GALNT13: variants seen among roughly 807,000 people sequenced by gnomAD.
GALNT13 encodes UDP-GalNAc:polypeptide N-acetylgalactosaminyltransferase 13.
Under a neutral mutation model 64.2 loss-of-function variants are expected in GALNT13, and 28 were observed. That is an observed-to-expected ratio of 0.44 (90% CI 0.32 to 0.60). The LOEUF (loss-of-function observed/expected upper bound fraction) is 0.60, where lower values mean the gene tolerates loss of function less well. Ranked by LOEUF, GALNT13 falls within the 20% of genes least tolerant of loss-of-function variation. The probability of loss-of-function intolerance (pLI) is 0.05; values close to 1 mark genes in which losing one functional copy is unlikely to be tolerated. For synonymous variants in GALNT13, 214 were observed against 224.6 expected (o/e 0.95, Z 0.42); for missense variants, 577 against 669.8 (o/e 0.86, Z 1.53).
intron 3 of GALNT13, among the ~76,000 whole-genome samples, chr2:154,044,488 A>T (rs986625128): frequency 1.1e-4 from 17 of 152,182 alleles, no homozygotes; most frequent in Non-Finnish European, 2.4e-4. Context: ...ACCACTACTA[A>T]AGGAGCTAGG....
the GALNT13 span, among the ~76,000 whole-genome samples, chr2:153,328,849 G>A: frequency 6.6e-6 from 1 of 151,846 alleles, no homozygotes; most frequent in Non-Finnish European, 1.5e-5. Context: ...GTGCCACTGG[G>A]GTACAGAAAA....
At chr2:153,419,457 G>A in the GALNT13 span, among the ~76,000 whole-genome samples, 4 of 152,104 alleles carry the variant, frequency 2.6e-5, no homozygotes, top group East Asian at 1.9e-4. Context: ...TATATCCTCC[G>A]TGATTCCACT....
chr2:153,502,411 C>T, the GALNT13 span, among the ~76,000 whole-genome samples: 1 of 152,200 alleles, frequency 6.6e-6, no homozygotes, highest in Non-Finnish European at 1.5e-5. Flanking sequence ...CTGCCAATGC[C>T]ATTGTTTTGT....
chr2:154,172,120 G>T (rs1685388161), intron 4 of GALNT13, among the ~76,000 whole-genome samples: 1 of 151,642 alleles, frequency 6.6e-6, no homozygotes, highest in South Asian at 2.1e-4. Context: ...ATTTTTGAGG[G>T]TGAATTTCAA....
the GALNT13 span, among the ~76,000 whole-genome samples, chr2:153,146,014 T>C: frequency 6.6e-6 from 1 of 151,878 alleles, no homozygotes; most frequent in Non-Finnish European, 1.5e-5. Flanking sequence ...ACTGGGTTTC[T>C]GAGATGAAGG....
At chr2:153,911,054 G>A (rs1018923000) in intron 2 of GALNT13, among the ~76,000 whole-genome samples, 5 of 152,090 alleles carry the variant, frequency 3.3e-5, no homozygotes, top group Admixed American at 2.6e-4. Flanking sequence ...CATGGAAGTC[G>A]AAATTTCCTT....
chr2:153,611,302 C>A, the GALNT13 span, among the ~76,000 whole-genome samples: 1 of 152,166 alleles, frequency 6.6e-6, no homozygotes, highest in Non-Finnish European at 1.5e-5. Flanking sequence ...ATACCTAATA[C>A]ATGATAGACT....
At chr2:154,397,082 A>G (rs779385909) in intron 10 of GALNT13, among the ~76,000 whole-genome samples, 1 of 151,948 alleles carries the variant, frequency 6.6e-6, no homozygotes, top group Non-Finnish European at 1.5e-5. Flanking sequence ...CATATTGATA[A>G]TTTTCCACTG....
At chr2:153,922,396 A>C (rs1180651835) in intron 2 of GALNT13, among the ~76,000 whole-genome samples, 1 of 152,204 alleles carries the variant, frequency 6.6e-6, no homozygotes, top group Non-Finnish European at 1.5e-5. Context: ...AAACAGTGGA[A>C]GATTTTCCTT....
intron 3 of GALNT13, among the ~76,000 whole-genome samples, chr2:154,121,771 C>A (rs1681956631): frequency 6.6e-6 from 1 of 151,262 alleles, no homozygotes; most frequent in Non-Finnish European, 1.5e-5. Context: ...TTGTGATTTT[C>A]TTCATAGACA....
the GALNT13 span, among the ~76,000 whole-genome samples, chr2:153,566,596 C>T: frequency 2.0e-5 from 3 of 152,114 alleles, no homozygotes; most frequent in South Asian, 2.1e-4. Flanking sequence ...CCTTGTGATC[C>T]GCCTGCCTTG....
chr2:153,461,553 T>C, the GALNT13 span, among the ~76,000 whole-genome samples: 1 of 152,056 alleles, frequency 6.6e-6, no homozygotes, highest in African/African-American at 2.4e-5. Context: ...TTGTATGTCA[T>C]GTCTAGGCAG....
chr2:153,473,796 A>C, the GALNT13 span, among the ~76,000 whole-genome samples: 1 of 152,352 alleles, frequency 6.6e-6, no homozygotes, highest in South Asian at 2.1e-4. Context: ...GTGCTGTTGC[A>C]GAAACTCAAA....
At chr2:154,165,007 G>C (rs1389391754) in intron 4 of GALNT13, among the ~76,000 whole-genome samples, 3 of 152,020 alleles carry the variant, frequency 2.0e-5, no homozygotes, top group African/African-American at 7.2e-5. Context: ...GAAACACACT[G>C]TTTGAAAAAC....
chr2:153,514,611 G>C, the GALNT13 span, among the ~76,000 whole-genome samples: 1 of 151,918 alleles, frequency 6.6e-6, no homozygotes, highest in Admixed American at 6.6e-5. Context: ...CTTCTCCTCC[G>C]CACTCTCCAT....
intron 1 of GALNT13, among the ~76,000 whole-genome samples, chr2:153,875,579 A>C (rs759097723): frequency 3.9e-5 from 6 of 152,158 alleles, no homozygotes; most frequent in Admixed American, 6.5e-5. Flanking sequence ...TTTTCATGTA[A>C]TAGAGCTTGT....
At chr2:153,677,995 A>G in the GALNT13 span, among the ~76,000 whole-genome samples, 1 of 152,014 alleles carries the variant, frequency 6.6e-6, no homozygotes, top group Non-Finnish European at 1.5e-5. Flanking sequence ...ACAGGCTCCA[A>G]AAGGACTTGC....
the GALNT13 span, among the ~76,000 whole-genome samples, chr2:153,634,357 A>G: frequency 6.6e-6 from 1 of 152,040 alleles, no homozygotes; most frequent in Non-Finnish European, 1.5e-5. Context: ...GTACATGTCT[A>G]TTCAACTCAC....
chr2:153,289,106 G>T, the GALNT13 span, among the ~76,000 whole-genome samples: 1 of 152,010 alleles, frequency 6.6e-6, no homozygotes, highest in Non-Finnish European at 1.5e-5. Context: ...GTTCATTTTT[G>T]TAATTAAAAA....
Sources: gnomAD v4.1 joint callset for allele counts (sites outside exome capture counted in the v4.1 genomes callset) on GRCh38, gnomAD v4.1.1 for gene constraint, MANE v1.5 for transcripts, NCBI Gene and HGNC (gene_info 2026-07-23, HGNC 2026-07-21) for gene names.